Variants in DRC11 observed in about 807,000 individuals in gnomAD.
The protein encoded by DRC11 is IQ and AAA domain-containing protein 1.
the DRC11 span, among the ~76,000 whole-genome samples, chr2:236,374,932 C>T: frequency 7.0e-3 from 1,054 of 150,614 alleles, 5 homozygotes; most frequent in Non-Finnish European, 0.011. Flanking sequence ...AACTCTTGAC[C>T]TCAGGTGATC....
chr2:236,473,756 A>G, the DRC11 span, among the ~76,000 whole-genome samples: 1 of 152,086 alleles, frequency 6.6e-6, no homozygotes, highest in Admixed American at 6.5e-5. This position sits in a 1 kb window ranked among gnomAD's most constrained non-coding sequence, Gnocchi z 4.8. Flanking sequence ...ATTTTAGAAT[A>G]TAAATATTTA....
the DRC11 span, among the ~76,000 whole-genome samples, chr2:236,359,988 GC>G: frequency 6.6e-6 from 1 of 152,112 alleles, no homozygotes; most frequent in African/African-American, 2.4e-5. The surrounding 1 kb of genome is among the most constrained non-coding windows in gnomAD (Gnocchi z 4.3). Flanking sequence ...TCCACACAAT[GC>G]CAGTTTGTGA....
the DRC11 span, among the ~76,000 whole-genome samples, chr2:236,496,537 A>G: frequency 2.6e-5 from 4 of 152,194 alleles, no homozygotes; most frequent in Non-Finnish European, 4.4e-5. The surrounding 1 kb of genome is among the most constrained non-coding windows in gnomAD (Gnocchi z 6.3). Flanking sequence ...GTCGGAGGGC[A>G]GCAGCAGGGG....
chr2:236,415,139 G>C, the DRC11 span, among the ~76,000 whole-genome samples: 1 of 151,874 alleles, frequency 6.6e-6, no homozygotes, highest in Admixed American at 6.6e-5. The surrounding 1 kb of genome is among the most constrained non-coding windows in gnomAD (Gnocchi z 5.7). Flanking sequence ...GAAATATTCA[G>C]ATAGGATTAT....
the DRC11 span, among the ~76,000 whole-genome samples, chr2:236,306,753 AAGG>A: frequency 2.6e-5 from 4 of 152,170 alleles, no homozygotes; most frequent in African/African-American, 9.7e-5. This position sits in a 1 kb window ranked among gnomAD's most constrained non-coding sequence, Gnocchi z 5.9. Context: ...ATAAGGAAAG[AAGG>A]AGAAGGGGCC....
chr2:236,357,154 G>GTATTCATATATATCTATATATTATATA, the DRC11 span, among the ~76,000 whole-genome samples: 1 of 72,444 alleles, frequency 1.4e-5, no homozygotes, highest in Non-Finnish European at 2.3e-5. Flanking sequence ...TATATATTAT[G>GTATTCATATATATCTATATATTATATA]TATTCATATA....
the DRC11 span, among the ~76,000 whole-genome samples, chr2:236,363,213 C>A: frequency 3.3e-5 from 5 of 152,176 alleles, no homozygotes; most frequent in African/African-American, 1.2e-4. The surrounding 1 kb of genome is among the most constrained non-coding windows in gnomAD (Gnocchi z 5.6). Flanking sequence ...TATCAAAGTT[C>A]TTTCAAACGC....
the DRC11 span, among the ~76,000 whole-genome samples, chr2:236,397,268 C>T: frequency 1.7e-3 from 257 of 152,366 alleles, 12 homozygotes; most frequent in South Asian, 0.047. This position sits in a 1 kb window ranked among gnomAD's most constrained non-coding sequence, Gnocchi z 5.0. Context: ...GGACAGCAGG[C>T]TTCTGCTCTC....
the DRC11 span, among the ~76,000 whole-genome samples, chr2:236,425,615 C>T: frequency 6.6e-6 from 1 of 151,970 alleles, no homozygotes; most frequent in Non-Finnish European, 1.5e-5. Context: ...TGTTTCCTTG[C>T]TGTGCAGAAG....
At chr2:236,472,912 G>C in the DRC11 span, among the ~76,000 whole-genome samples, 1 of 152,252 alleles carries the variant, frequency 6.6e-6, no homozygotes, top group Middle Eastern at 3.4e-3. The surrounding 1 kb of genome is among the most constrained non-coding windows in gnomAD (Gnocchi z 4.6). Flanking sequence ...CAATGCAGGG[G>C]AGCAGGCCTT....
At chr2:236,344,591 G>A in the DRC11 span, 1 of 1,613,756 alleles carries the variant, frequency 6.2e-7, no homozygotes, top group Non-Finnish European at 8.5e-7. Context: ...TTTGTAGAAG[G>A]TTTTTTCTGT....
the DRC11 span, among the ~76,000 whole-genome samples, chr2:236,341,644 G>A: frequency 1.3e-5 from 2 of 152,204 alleles, no homozygotes; most frequent in Non-Finnish European, 2.9e-5. Flanking sequence ...CCAGGGCTCA[G>A]AGGGCCGCAG....
the DRC11 span, among the ~76,000 whole-genome samples, chr2:236,444,088 A>G: frequency 1.3e-5 from 2 of 150,572 alleles, no homozygotes; most frequent in Admixed American, 1.3e-4. Flanking sequence ...TCTGGATATT[A>G]GACCTTTGTC....
the DRC11 span, among the ~76,000 whole-genome samples, chr2:236,438,258 T>C: frequency 1.6e-4 from 20 of 123,110 alleles, no homozygotes; most frequent in East Asian, 3.8e-3. Context: ...GTTGTAGATA[T>C]GCGGCGTTAT....
At chr2:236,317,934 C>T in the DRC11 span, among the ~76,000 whole-genome samples, 1 of 152,178 alleles carries the variant, frequency 6.6e-6, no homozygotes, top group Non-Finnish European at 1.5e-5. The surrounding 1 kb of genome is among the most constrained non-coding windows in gnomAD (Gnocchi z 5.4). Flanking sequence ...CCTGGGGTCC[C>T]GTGGGAGGGT....
the DRC11 span, among the ~76,000 whole-genome samples, chr2:236,343,042 T>C: frequency 4.6e-5 from 7 of 152,294 alleles, no homozygotes; most frequent in South Asian, 2.1e-4. The surrounding 1 kb of genome is among the most constrained non-coding windows in gnomAD (Gnocchi z 6.6). Context: ...GGGATGGTGC[T>C]GAGAGGTTCG....
chr2:236,344,750 G>GT, the DRC11 span: 1 of 760,232 alleles, frequency 1.3e-6, no homozygotes, highest in Non-Finnish European at 2.2e-6. Context: ...AGCCCTGGTT[G>GT]TAACTGTGCT....
chr2:236,484,289 T>C, the DRC11 span, among the ~76,000 whole-genome samples: 2 of 152,244 alleles, frequency 1.3e-5, no homozygotes, highest in African/African-American at 2.4e-5. Context: ...TTTTAAAAGC[T>C]ACAAATTATT....
At chr2:236,383,643 T>G in the DRC11 span, among the ~76,000 whole-genome samples, 14,164 of 151,976 alleles carry the variant, frequency 0.093, 977 homozygotes, top group African/African-American at 0.18. Context: ...ATTTTTTTTT[T>G]TTTTGTTTTG....
Sources: gnomAD v4.1 joint callset for allele counts (sites outside exome capture counted in the v4.1 genomes callset) on GRCh38, gnomAD v4.1.1 for gene constraint, Gnocchi (gnomAD v3.1) non-coding constraint, MANE v1.5 for transcripts, NCBI Gene and HGNC (gene_info 2026-07-23, HGNC 2026-07-21) for gene names.